PTPRD: variants seen among roughly 807,000 people sequenced by gnomAD.
The protein encoded by PTPRD is receptor-type tyrosine-protein phosphatase delta.
A neutral mutation model predicts 214.5 loss-of-function variants in PTPRD; 34 were observed. The observed-to-expected ratio is 0.16, with a 90% confidence interval of 0.12 to 0.21. PTPRD has a LOEUF of 0.21. Among genes scored for constraint, PTPRD ranks in the 10% least tolerant of loss-of-function variants. The probability of loss-of-function intolerance (pLI) is 1.00; values close to 1 mark genes in which losing one functional copy is unlikely to be tolerated. For missense variants in PTPRD, 2,545 were observed against 2,398.7 expected (o/e 1.06, Z -1.27); for synonymous variants, 1,128 against 845.7 (o/e 1.33, Z -5.79).
At chr9:9,318,059 T>C (rs762784797) in intron 9 of PTPRD, among the ~76,000 whole-genome samples, 1 of 152,004 alleles carries the variant, frequency 6.6e-6, no homozygotes, top group Non-Finnish European at 1.5e-5. Context: ...TAATCCCAGC[T>C]ACTTGGGAAG....
intron 2 of PTPRD, among the ~76,000 whole-genome samples, chr9:10,597,732 G>C (rs1342514847): frequency 6.6e-6 from 1 of 151,746 alleles, no homozygotes; most frequent in Non-Finnish European, 1.5e-5. Flanking sequence ...AAAAATTAAA[G>C]CTACACTTCA....
At chr9:9,128,513 T>A (rs181042835) in intron 10 of PTPRD, among the ~76,000 whole-genome samples, 2 of 152,306 alleles carry the variant, frequency 1.3e-5, no homozygotes, top group East Asian at 3.9e-4. Context: ...ACTTATTTTG[T>A]GGCTAAATGA....
At position 9,113,785 on chromosome 9, in the gene PTPRD, T is replaced by C. The variant is rs150195918; in HGVS notation, c.-143+69519A>G. On this transcript the variant is annotated intron_variant, in intron 10 of 45. Transcript: ENST00000381196. The stretch of plus-strand genomic sequence containing the variant: ...TTTTCCAAGAATATTCACAAAGTAG[T>C]GTAGCCATTTTATTACACTTTGAAG... 1.7e-3 allele frequency among the ~76,000 whole-genome samples: 263 copies of C among 152,264 alleles called. 1 individual carries two copies. The highest frequency in any genetic ancestry group is 6.0e-3 in the African/African-American group (248 of 41,560).
chr9:8,852,987 G>A (rs1408820608), intron 11 of PTPRD, among the ~76,000 whole-genome samples: 1 of 152,028 alleles, frequency 6.6e-6, no homozygotes, highest in African/African-American at 2.4e-5. Context: ...CAGTACACAC[G>A]GATGTAATAC....
intron 8 of PTPRD, among the ~76,000 whole-genome samples, chr9:9,448,099 G>A (rs1050152299): frequency 6.6e-6 from 1 of 152,156 alleles, no homozygotes; most frequent in Non-Finnish European, 1.5e-5. Flanking sequence ...AAGAAAGGAA[G>A]GGTATGAAGA....
At chr9:9,440,356 C>T (rs948387591) in intron 8 of PTPRD, among the ~76,000 whole-genome samples, 1 of 152,030 alleles carries the variant, frequency 6.6e-6, no homozygotes, top group East Asian at 1.9e-4. Flanking sequence ...TTTTCTTCTT[C>T]ATAATTCAGG....
At chr9:10,062,451 C>T (rs2097791619) in intron 3 of PTPRD, among the ~76,000 whole-genome samples, 1 of 151,864 alleles carries the variant, frequency 6.6e-6, no homozygotes, top group Non-Finnish European at 1.5e-5. Context: ...ACTAAAAATA[C>T]AAAAAATAGC....
chr9:9,876,875 C>T (rs2067038837), intron 5 of PTPRD, among the ~76,000 whole-genome samples: 1 of 152,098 alleles, frequency 6.6e-6, no homozygotes, highest in African/African-American at 2.4e-5. Flanking sequence ...TCTTAAAAGA[C>T]AAATTACAGG....
chr9:8,750,233 C>A (rs997025170), intron 11 of PTPRD, among the ~76,000 whole-genome samples: 1 of 152,090 alleles, frequency 6.6e-6, no homozygotes, highest in Admixed American at 6.5e-5. Context: ...TCTCAGCTCA[C>A]TGCAACCTCT....
chr9:9,316,496 C>A (rs1963210209), intron 9 of PTPRD, among the ~76,000 whole-genome samples: 1 of 151,838 alleles, frequency 6.6e-6, no homozygotes, highest in Admixed American at 6.6e-5. Context: ...ATTGCTTGAC[C>A]CAAATAAAAA....
chr9:9,514,493 G>A (rs1246353905), intron 8 of PTPRD, among the ~76,000 whole-genome samples: 5 of 152,162 alleles, frequency 3.3e-5, no homozygotes, highest in African/African-American at 1.2e-4. Context: ...AGTAGACAGA[G>A]AGGACTAAAT....
chr9:9,885,700 C>A (rs1271957099), intron 5 of PTPRD, among the ~76,000 whole-genome samples: 1 of 151,894 alleles, frequency 6.6e-6, no homozygotes, highest in Non-Finnish European at 1.5e-5. Flanking sequence ...ATGTGGGCAA[C>A]CTCCAGAAAA....
chr9:10,506,671 A>G (rs781165908), intron 2 of PTPRD, among the ~76,000 whole-genome samples: 2 of 152,176 alleles, frequency 1.3e-5, no homozygotes, highest in Non-Finnish European at 2.9e-5. Context: ...CCAGACTACT[A>G]CAATCTATTT....
chr9:8,987,525 G>A (rs1283256700), intron 11 of PTPRD, among the ~76,000 whole-genome samples: 1 of 152,130 alleles, frequency 6.6e-6, no homozygotes, highest in Non-Finnish European at 1.5e-5. Context: ...GTGTTCATGT[G>A]TGTTTTACCC....
At chr9:8,898,411 G>A (rs1189939109) in intron 11 of PTPRD, among the ~76,000 whole-genome samples, 1 of 152,080 alleles carries the variant, frequency 6.6e-6, no homozygotes, top group Non-Finnish European at 1.5e-5. Flanking sequence ...CCCCATCCCA[G>A]GTAGCCTGAC....
At chr9:9,533,406 A>T (rs1388238283) in intron 8 of PTPRD, among the ~76,000 whole-genome samples, 1 of 152,112 alleles carries the variant, frequency 6.6e-6, no homozygotes, top group Non-Finnish European at 1.5e-5. Context: ...CAGAAAGATC[A>T]AAGAAATGAT....
At chr9:9,127,185 A>T (rs571223804) in intron 10 of PTPRD, among the ~76,000 whole-genome samples, 1 of 152,302 alleles carries the variant, frequency 6.6e-6, no homozygotes, top group African/African-American at 2.4e-5. Context: ...CTTCTTTGGG[A>T]TGTATGGGAA....
chr9:9,512,542 C>T (rs2096734685), intron 8 of PTPRD, among the ~76,000 whole-genome samples: 1 of 151,882 alleles, frequency 6.6e-6, no homozygotes, highest in Non-Finnish European at 1.5e-5. Context: ...TGCAATTTCG[C>T]TTTCCAATCA....
intron 11 of PTPRD, among the ~76,000 whole-genome samples, chr9:8,786,177 A>G (rs754449639): frequency 1.3e-5 from 2 of 152,034 alleles, no homozygotes; most frequent in Non-Finnish European, 2.9e-5. Context: ...TGGCCATGGA[A>G]CCATTCATAA....
Sources: gnomAD v4.1 joint callset for allele counts (sites outside exome capture counted in the v4.1 genomes callset) on GRCh38, gnomAD v4.1.1 for gene constraint, MANE v1.5 for transcripts, NCBI Gene and HGNC (gene_info 2026-07-23, HGNC 2026-07-21) for gene names.